MEGF11: variants seen among roughly 807,000 people sequenced by gnomAD.
MEGF11 encodes multiple EGF like domains 11.
Under a neutral mutation model 146.6 loss-of-function variants are expected in MEGF11, and 126 were observed. The ratio of observed to expected loss-of-function variants is 0.86; its 90% CI spans 0.74 to 1.00. The LOEUF is 1.00. MEGF11 is among the 50% of genes least tolerant of loss of function. The pLI is 0.00. For missense variants in MEGF11, 1,509 were observed against 1,521.2 expected (o/e 0.99, Z 0.13); for synonymous variants, 532 against 583.4 (o/e 0.91, Z 1.27).
At chr15:66,034,845 C>G (rs2083667451) in intron 5 of MEGF11, among the ~76,000 whole-genome samples, 1 of 151,290 alleles carries the variant, frequency 6.6e-6, no homozygotes, top group East Asian at 1.9e-4. Context: ...GGGCTCTGCC[C>G]TCATGCATGA....
chr15:65,944,208 T>TGGAGCTTTCTGTTTAGTAG (rs1413484207), intron 10 of MEGF11, among the ~76,000 whole-genome samples: 1 of 152,116 alleles, frequency 6.6e-6, no homozygotes, highest in Non-Finnish European at 1.5e-5. Flanking sequence ...GACAGATCCT[T>TGGAGCTTTCTGTTTAGTAG]GGAGCTTTCT....
chr15:66,251,265 C>G (rs538527725), intron 1 of MEGF11, among the ~76,000 whole-genome samples: 12 of 152,352 alleles, frequency 7.9e-5, no homozygotes, highest in African/African-American at 2.9e-4. Flanking sequence ...CCTGACAACC[C>G]TCCTTCCCCA....
chr15:66,026,507 C>T (rs915252299), intron 5 of MEGF11, among the ~76,000 whole-genome samples: 5 of 152,118 alleles, frequency 3.3e-5, no homozygotes, highest in East Asian at 1.9e-4. Context: ...TTTTTTGAGA[C>T]GGAGTCTTGC....
At chr15:65,991,096 G>T (rs182822701) in intron 5 of MEGF11, among the ~76,000 whole-genome samples, 56 of 152,268 alleles carry the variant, frequency 3.7e-4, no homozygotes, top group African/African-American at 1.3e-3. Flanking sequence ...TATTACACTT[G>T]TTACTCGGTG....
intron 1 of MEGF11, among the ~76,000 whole-genome samples, chr15:66,234,386 AAG>A (rs1161549179): frequency 1.3e-5 from 2 of 152,238 alleles, no homozygotes; most frequent in Non-Finnish European, 2.9e-5. Context: ...GATATAGCCA[AAG>A]AGAATGTCAA....
At chr15:66,171,688 AC>A (rs1378040592) in intron 1 of MEGF11, among the ~76,000 whole-genome samples, 1 of 147,868 alleles carries the variant, frequency 6.8e-6, no homozygotes, top group Non-Finnish European at 1.5e-5. Context: ...ATCTGCAAGA[AC>A]CCCCACGCAA....
chr15:66,063,359 C>T (rs1258511308), intron 5 of MEGF11, among the ~76,000 whole-genome samples: 1 of 152,078 alleles, frequency 6.6e-6, no homozygotes, highest in Non-Finnish European at 1.5e-5. Flanking sequence ...TGCAGGGAGC[C>T]CAGATGAGAG....
chr15:66,097,930 T>A (rs2086622772), intron 4 of MEGF11, among the ~76,000 whole-genome samples: 1 of 152,084 alleles, frequency 6.6e-6, no homozygotes, highest in Admixed American at 6.5e-5. Flanking sequence ...CTCATCTCCC[T>A]CCCTCCTCAG....
At chr15:65,965,965 C>G (rs1024616227) in intron 8 of MEGF11, among the ~76,000 whole-genome samples, 1 of 152,068 alleles carries the variant, frequency 6.6e-6, no homozygotes, top group Admixed American at 6.5e-5. Context: ...AACTCTGCAC[C>G]CATTAAACAA....
chr15:66,192,532 A>C (rs1440159591), intron 1 of MEGF11, among the ~76,000 whole-genome samples: 1 of 142,286 alleles, frequency 7.0e-6, no homozygotes, highest in East Asian at 2.0e-4. Flanking sequence ...AAATAAAATA[A>C]AATCATCATA....
chr15:65,942,240 G>A (rs914223491), intron 10 of MEGF11, among the ~76,000 whole-genome samples: 6 of 152,156 alleles, frequency 3.9e-5, no homozygotes, highest in African/African-American at 1.4e-4. Context: ...CCCATGCAAC[G>A]TGCCAGGCTT....
chr15:66,033,657 G>T (rs368036020), intron 5 of MEGF11, among the ~76,000 whole-genome samples: 10 of 152,288 alleles, frequency 6.6e-5, no homozygotes, highest in Non-Finnish European at 1.5e-5. Context: ...GGATGGGGCT[G>T]TCTGAGGCCT....
intron 5 of MEGF11, among the ~76,000 whole-genome samples, chr15:66,006,042 G>A (rs945822501): frequency 2.0e-5 from 3 of 152,228 alleles, no homozygotes; most frequent in Admixed American, 2.0e-4. Context: ...GCTGTACGAT[G>A]TTTGGTATTT....
At chr15:65,911,738 G>T (rs546160596) in intron 21 of MEGF11, among the ~76,000 whole-genome samples, 2 of 152,274 alleles carry the variant, frequency 1.3e-5, no homozygotes, top group African/African-American at 4.8e-5. Flanking sequence ...TTTTGATTAC[G>T]TGTTGACATG....
intron 5 of MEGF11, among the ~76,000 whole-genome samples, chr15:66,086,650 T>C (rs1418058534): frequency 6.6e-6 from 1 of 151,682 alleles, no homozygotes; most frequent in African/African-American, 2.4e-5. Context: ...CTACAAGAAC[T>C]GCTAAAAGGA....
At chr15:65,945,833 T>G (rs1272122866) in intron 10 of MEGF11, among the ~76,000 whole-genome samples, 1 of 152,124 alleles carries the variant, frequency 6.6e-6, no homozygotes, top group Admixed American at 6.5e-5. Context: ...TTGGGGGCAG[T>G]GAGGATCACT....
rs2081061192 is a variant in MEGF11 at position 65,965,619 on chromosome 15, T to TTC, written c.900-500_900-499insGA. 1.3e-3 allele frequency among the ~76,000 whole-genome samples: 158 copies of TTC among 119,906 alleles called. 7 individuals are homozygous for TTC. Among genetic ancestry groups the TTC allele is most frequent in the Middle Eastern group, 4.7e-3 (1 of 212 alleles). The allele number at this position is 119,906 out of a possible 152,430, so 78.7% of individuals were successfully genotyped here. A position where few individuals can be genotyped will look rare whatever the true frequency, so the allele number is the denominator to read the frequency against. The stretch of plus-strand genomic sequence containing the variant: ...TTCTTTCTTTTTTTTTTTTCTTTTT[T>TTC]TTTTTTTTGGCTCTTCTATTCTTTT... On this transcript the variant is annotated intron_variant, in intron 8 of 25. Coordinates refer to ENST00000395614, the MANE Select transcript of MEGF11 (RefSeq NM_001385028.1).
At chr15:66,005,173 T>A (rs1211213019) in intron 5 of MEGF11, among the ~76,000 whole-genome samples, 1 of 152,232 alleles carries the variant, frequency 6.6e-6, no homozygotes, top group Non-Finnish European at 1.5e-5. Context: ...CAGGAGGGGA[T>A]TCTGGCATTT....
At chr15:66,152,072 G>A (rs2089590541) in intron 1 of MEGF11, among the ~76,000 whole-genome samples, 1 of 152,192 alleles carries the variant, frequency 6.6e-6, no homozygotes, top group Non-Finnish European at 1.5e-5. Flanking sequence ...CTACTTCCTG[G>A]GTTTTCATTC....
Sources: gnomAD v4.1 joint callset for allele counts (sites outside exome capture counted in the v4.1 genomes callset) on GRCh38, gnomAD v4.1.1 for gene constraint, MANE v1.5 for transcripts, NCBI Gene and HGNC (gene_info 2026-07-23, HGNC 2026-07-21) for gene names.